The following CIZ1 variants were observed in gnomAD, a reference collection of about 807,000 sequenced individuals.
CIZ1 encodes cip1-interacting zinc finger protein.
A neutral mutation model predicts 118.6 loss-of-function variants in CIZ1; 58 were observed. That is an observed-to-expected ratio of 0.49 (90% CI 0.40 to 0.61). The LOEUF is 0.61. Ranked by LOEUF, CIZ1 falls within the 20% of genes least tolerant of loss-of-function variation. The probability of loss-of-function intolerance (pLI) is 0.00; values close to 1 mark genes in which losing one functional copy is unlikely to be tolerated. For missense variants in CIZ1, 921 were observed against 1,115.9 expected (o/e 0.83, Z 2.49); for synonymous variants, 448 against 443.4 (o/e 1.01, Z -0.13).
At chr9:128,185,171 T>G (rs1429462988) in intron 5 of CIZ1, among the ~76,000 whole-genome samples, 4 of 151,884 alleles carry the variant, frequency 2.6e-5, no homozygotes, top group Non-Finnish European at 5.9e-5. Context: ...CCAGCTACTC[T>G]GGAGGCTGAG....
At position 128,185,645 on chromosome 9, in the gene CIZ1, G is replaced by A. The variant is rs1281485864; in HGVS notation, c.490C>T (p.Pro164Ser). 1.3e-6 allele frequency: 2 copies of A among 1,583,188 alleles called. No individual in the cohort carries two copies. The highest frequency in any genetic ancestry group is 1.2e-5 in the South Asian group (1 of 85,118). The change falls in exon 5 of 17, where the codon CCT (proline) becomes TCT (serine). Residue 164 changes from proline to serine, a missense_variant. Transcript: ENST00000372938. Reference protein sequence around the residue: ...ATRQSLLGPPPVGVPMNPSQF... With the variant: ...ATRQSLLGPPSVGVPMNPSQF... Reference sequence around the variant, plus strand: ...GAAGGGTTCATGGGGACCCCAACAGGAGGAGGTCCCAGCAAGGACTGGCGA... The same window carrying A: ...GAAGGGTTCATGGGGACCCCAACAGAAGGAGGTCCCAGCAAGGACTGGCGA...
At chr9:128,169,355 C>G (rs373050955) in intron 13 of CIZ1, 51 bp downstream of exon 13, 3 of 1,548,974 alleles carry the variant, frequency 1.9e-6, no homozygotes, top group Non-Finnish European at 2.7e-6. Flanking sequence ...CAGCCTTGGC[C>G]AAGGCTCTGT....
chr9:128,168,411 G>C (rs1424531716), intron 14 of CIZ1, among the ~76,000 whole-genome samples: 1 of 151,918 alleles, frequency 6.6e-6, no homozygotes, highest in Non-Finnish European at 1.5e-5. Context: ...AGCTACTTGG[G>C]AGGCTGAGGC....
chr9:128,175,910 G>C (rs1391882457), intron 11 of CIZ1, among the ~76,000 whole-genome samples: 1 of 152,126 alleles, frequency 6.6e-6, no homozygotes, highest in East Asian at 1.9e-4. Context: ...CCCCAGTATA[G>C]TTCCAGACCC....
In CIZ1 at chr9:128,177,696, G is replaced by GC; in HGVS notation, c.1687_1688insG (p.Thr563SerfsTer12). On this transcript the variant is annotated frameshift_variant, in exon 10 of 17. Transcript: ENST00000372938. LOFTEE classifies it high-confidence loss of function. ...GCGGGGGACAGGTGTCAGGGGTACA[G>GC]TGCTAAAGGCCCGGCTGTCACTGCT... 10 of 1,607,292 alleles carry GC rather than the reference G, an allele frequency of 6.2e-6. No individual in the cohort carries two copies. Among genetic ancestry groups the GC allele is most frequent in the Non-Finnish European group, 7.6e-6 (9 of 1,177,040 alleles).
In CIZ1 at chr9:128,203,823, C is replaced by G. The variant is rs1453919009; in HGVS notation, c.-6+363G>C. ...AGCCCCTCGGGGCAGCAGCGCCCCCCGCTAGTCTGCAAACGTCGTCAAGCC... is the reference window on the plus strand; with the variant it reads ...AGCCCCTCGGGGCAGCAGCGCCCCCGGCTAGTCTGCAAACGTCGTCAAGCC... On this transcript the variant is annotated intron_variant, in intron 1 of 17. Transcript: ENST00000372948. This position sits in a 1 kb window ranked among gnomAD's most constrained non-coding sequence, Gnocchi z 5.3. 1.3e-5 allele frequency among the ~76,000 whole-genome samples: 2 copies of G among 151,148 alleles called. No homozygotes were observed. The highest frequency in any genetic ancestry group is 3.0e-5 in the Non-Finnish European group (2 of 67,662).
intron 5 of CIZ1, 73 bp from the exon 6 acceptor site, chr9:128,180,887 G>T: frequency 1.8e-6 from 2 of 1,117,956 alleles, no homozygotes; most frequent in South Asian, 1.3e-5. Context: ...AAGGGCAGCT[G>T]CCCCCCATCC....
chr9:128,168,361 C>T lies in CIZ1; in HGVS notation c.2295+691G>A, dbSNP rs1251030318. On this transcript the variant is annotated intron_variant, in intron 14 of 16. Coordinates refer to ENST00000372938, the MANE Select transcript of CIZ1 (RefSeq NM_001131016.2). ...TGAAACCCCGTCTCTACTAAAAATACAAAAATTAGCCGGGCGTGGTGGTGG... is the reference window on the plus strand; with the variant it reads ...TGAAACCCCGTCTCTACTAAAAATATAAAAATTAGCCGGGCGTGGTGGTGG... Among the ~76,000 whole-genome samples the T allele has an allele frequency of 2.0e-5, 3 of 152,068 alleles. No individual in the cohort carries two copies. In the East Asian group the frequency reaches 5.8e-4, roughly 29 times the overall value.
chr9:128,201,748 A>G (rs1278888224), intron 1 of CIZ1, among the ~76,000 whole-genome samples: 7 of 152,230 alleles, frequency 4.6e-5, no homozygotes, highest in Admixed American at 4.6e-4. Context: ...CTACACAGGC[A>G]TTTGATCTAT....
At chr9:128,173,954 C>G (rs1222668744) in intron 11 of CIZ1, among the ~76,000 whole-genome samples, 1 of 151,640 alleles carries the variant, frequency 6.6e-6, no homozygotes, top group African/African-American at 2.4e-5. Flanking sequence ...TGCAGTGAGC[C>G]GAGATCGCGC....
chr9:128,180,854 C>A (rs777405125), intron 5 of CIZ1, 40 bp from the exon 6 acceptor site: 8 of 1,447,908 alleles, frequency 5.5e-6, no homozygotes, highest in African/African-American at 2.8e-5. Context: ...CCAATACCCA[C>A]CCCTATCAAT....
chr9:128,175,940 G>A (rs1047470146), intron 11 of CIZ1, among the ~76,000 whole-genome samples: 4 of 152,122 alleles, frequency 2.6e-5, no homozygotes, highest in African/African-American at 9.7e-5. Context: ...TGAAGTTTCT[G>A]ATTAAACAGG....
Position 128,185,053 on chromosome 9 carries a change from C to T in CIZ1, c.588+494G>A, listed in dbSNP as rs987455381. ...CAGCACTTTGGGAGGCTGAGGCGGG[C>T]GGATCACCTGAGGTCAGGAGTTTGA... On this transcript the variant is annotated intron_variant, in intron 5 of 16. Transcript: ENST00000372938. Among the ~76,000 whole-genome samples, 4 of 151,866 alleles carry T rather than the reference C, an allele frequency of 2.6e-5. No individual in the cohort carries two copies. The South Asian group carries it at 8.3e-4, about 32-fold the overall frequency.
At chr9:128,191,768 C>A, upstream of CIZ1, 1 of 1,412,870 alleles carries the variant, frequency 7.1e-7, no homozygotes. This position sits in a 1 kb window ranked among gnomAD's most constrained non-coding sequence, Gnocchi z 5.5. Context: ...GAAGGGGAGG[C>A]TCGGAGACCA....
At chr9:128,180,688 C>T (rs770769556) in intron 6 of CIZ1, 33 bp downstream of exon 6, 1 of 1,521,988 alleles carries the variant, frequency 6.6e-7, no homozygotes, top group Non-Finnish European at 9.0e-7. Flanking sequence ...CCATTCATGT[C>T]CCTCTGAAGG....
At position 128,176,383 on chromosome 9, in the gene CIZ1, G is replaced by C. The variant is rs45582931; in HGVS notation, c.1911C>G (p.Pro637=). Residue 637 remains proline, a synonymous_variant, in exon 11 of 17, where the codon CCC becomes CCG. Coordinates refer to ENST00000372938, the MANE Select transcript of CIZ1 (RefSeq NM_001131016.2). The part of the protein sequence containing the change: ...MSQACLLSLL[P]VPRDVLETED... ...CTGTCTCCAGGACGTCCCGGGGCAC[G>C]GGCAGCAGGGACAGGAGGCAGGCTT... 1 of 1,613,926 alleles carries C rather than the reference G, an allele frequency of 6.2e-7. No individual in the cohort carries two copies. The highest frequency in any genetic ancestry group is 1.3e-5 in the African/African-American group (1 of 74,920).
intron 1 of CIZ1, among the ~76,000 whole-genome samples, chr9:128,201,622 G>T (rs1004643886): frequency 2.0e-5 from 3 of 152,166 alleles, no homozygotes; most frequent in African/African-American, 7.2e-5. Context: ...CAGCTGCCAG[G>T]TTCCATGCAA....
At chr9:128,188,117 CAA>C (rs34796767) in intron 3 of CIZ1, among the ~76,000 whole-genome samples, 183 bp from the exon 4 acceptor site, 3 of 104,788 alleles carry the variant, frequency 2.9e-5, no homozygotes, top group East Asian at 2.6e-4. Context: ...AAGAAAAAAG[CAA>C]AAAAAAAAAA....
intron 11 of CIZ1, among the ~76,000 whole-genome samples, chr9:128,174,098 G>GA (rs1162181949): frequency 1.3e-5 from 2 of 152,226 alleles, no homozygotes; most frequent in East Asian, 3.9e-4. Flanking sequence ...GGGCTTTGAG[G>GA]AGGGAGGAGA....
Sources: allele counts gnomAD v4.1 joint callset (sites outside exome capture counted in the v4.1 genomes callset), GRCh38; gene constraint gnomAD v4.1.1; non-coding constraint Gnocchi (gnomAD v3.1); transcripts MANE v1.5; gene names NCBI Gene and HGNC (gene_info 2026-07-23, HGNC 2026-07-21).